PKHD1: variants seen among roughly 807,000 people sequenced by gnomAD.
The protein encoded by PKHD1 is fibrocystin.
PKHD1 carries 291 observed loss-of-function variants against 412.0 expected under a neutral mutation model. The ratio of observed to expected loss-of-function variants is 0.71; its 90% CI spans 0.64 to 0.78. PKHD1 has a LOEUF of 0.78. Ranked by LOEUF, PKHD1 falls within the 30% of genes least tolerant of loss-of-function variation. The pLI is 0.00. For synonymous variants in PKHD1, 1,777 were observed against 1,821.5 expected (o/e 0.98, Z 0.62); for missense variants, 4,825 against 4,950.7 (o/e 0.97, Z 0.76).
chr6:51,937,645 C>T (rs925323157), intron 36 of PKHD1, among the ~76,000 whole-genome samples: 14 of 152,156 alleles, frequency 9.2e-5, no homozygotes, highest in Admixed American at 4.6e-4. Context: ...ATACTTGGAC[C>T]AGACCCCTTC....
At chr6:51,719,882 T>C (rs370700034) in intron 60 of PKHD1, among the ~76,000 whole-genome samples, 1 of 152,140 alleles carries the variant, frequency 6.6e-6, no homozygotes, top group Non-Finnish European at 1.5e-5. Flanking sequence ...TCCTGACATA[T>C]ATGCCATGTC....
rs753053314 is a variant in PKHD1 at position 51,627,126 on chromosome 6, T to C, written c.11666-10A>G. The C allele has an allele frequency of 5.0e-6, 8 of 1,611,450 alleles. No homozygotes were observed. Among genetic ancestry groups the C allele is most frequent in the Non-Finnish European group, 5.9e-6 (7 of 1,177,728 alleles). ...TCTTCAGGTTTTGTTTCTGTATTAA[T>C]GGAGAAGAAAAAGGATTTTTTTGTT... On this transcript the variant is annotated splice_polypyrimidine_tract_variant and intron_variant, in intron 65 of 66. Coordinates refer to ENST00000371117, the MANE Select transcript of PKHD1 (RefSeq NM_138694.4).
chr6:51,936,482 T>G (rs1787498371), intron 36 of PKHD1, among the ~76,000 whole-genome samples: 2 of 152,208 alleles, frequency 1.3e-5, no homozygotes, highest in Admixed American at 1.3e-4. Context: ...AGTTGAGTTT[T>G]TGTTGCTTTC....
At chr6:51,882,407 A>C (rs1042299242) in intron 46 of PKHD1, among the ~76,000 whole-genome samples, 1 of 152,258 alleles carries the variant, frequency 6.6e-6, no homozygotes, top group African/African-American at 2.4e-5. Context: ...TGAAATAAAT[A>C]ATCTTCAATG....
rs183936015 is a variant in PKHD1, at chr6:51,790,042, T to C, written c.8440+1194A>G. ...AGGATTGACCATATTTTTTCAGAAA[T>C]ATTTTTACAGTAACTTAACCTTTGT... On this transcript the variant is annotated intron_variant, in intron 53 of 66. Coordinates refer to ENST00000371117, the MANE Select transcript of PKHD1 (RefSeq NM_138694.4). 7.8e-4 allele frequency among the ~76,000 whole-genome samples: 119 copies of C among 152,308 alleles called. 1 individual carries two copies. The highest frequency in any genetic ancestry group is 1.4e-3 in the Admixed American group (22 of 15,302).
intron 35 of PKHD1, among the ~76,000 whole-genome samples, chr6:51,969,772 TAC>T (rs754431630): frequency 2.0e-4 from 30 of 151,060 alleles, no homozygotes; most frequent in East Asian, 7.8e-4. Flanking sequence ...TATATATGTG[TAC>T]ACACACACAC....
chr6:51,640,624 T>C (rs1035107729), intron 63 of PKHD1, among the ~76,000 whole-genome samples: 9 of 152,102 alleles, frequency 5.9e-5, no homozygotes, highest in African/African-American at 2.2e-4. Context: ...ATTACACAAC[T>C]ACCAGGGAAT....
chr6:51,776,037 G>A (rs1790970865), intron 53 of PKHD1, 116 bp from the exon 54 acceptor site: 2 of 645,234 alleles, frequency 3.1e-6, no homozygotes, highest in Non-Finnish European at 5.6e-6. Flanking sequence ...AGACTATATG[G>A]AGGAGTCAAT....
intron 60 of PKHD1, among the ~76,000 whole-genome samples, chr6:51,732,404 T>C (rs1251029361): frequency 1.3e-5 from 2 of 152,132 alleles, no homozygotes; most frequent in Non-Finnish European, 2.9e-5. Flanking sequence ...AAAGGATTAA[T>C]ATCCACAACA....
rs1296372654 is a variant in PKHD1 at position 51,909,270 on chromosome 6, C to CGGA, written c.6682+10_6682+12dup. ...AAGAAACATGAGAAAGTCCTAGGTC[C>CGGA]GGACCCCCTTACCTCTCATAGCTCC... On this transcript the variant is annotated intron_variant, in intron 40 of 66. Transcript: ENST00000371117. 1.9e-6 allele frequency: 3 copies of CGGA among 1,605,668 alleles called. No homozygotes were observed. The highest frequency in any genetic ancestry group is 2.6e-6 in the Non-Finnish European group (3 of 1,172,706).
chr6:51,863,077 G>C (rs1048980398), intron 48 of PKHD1, among the ~76,000 whole-genome samples: 1 of 152,046 alleles, frequency 6.6e-6, no homozygotes, highest in Non-Finnish European at 1.5e-5. Flanking sequence ...ATGACCCTGA[G>C]GGATAAATAC....
At chr6:51,918,620 G>C (rs1428986278) in intron 37 of PKHD1, among the ~76,000 whole-genome samples, 1 of 152,170 alleles carries the variant, frequency 6.6e-6, no homozygotes, top group African/African-American at 2.4e-5. Flanking sequence ...TTGGTTCCAA[G>C]TCTTTGCTAT....
intron 55 of PKHD1, among the ~76,000 whole-genome samples, chr6:51,764,748 C>A (rs1582546456): frequency 6.6e-6 from 1 of 152,056 alleles, no homozygotes; most frequent in African/African-American, 2.4e-5. Flanking sequence ...CTCCTTGGAA[C>A]CCTGTCATGA....
intron 60 of PKHD1, among the ~76,000 whole-genome samples, chr6:51,690,371 C>CA (rs1778014150): frequency 1.3e-5 from 2 of 150,060 alleles, no homozygotes; most frequent in South Asian, 4.2e-4. Context: ...CAATCCTAAG[C>CA]AAAAAGAATA....
At chr6:51,940,895 A>G (rs1788397745) in intron 36 of PKHD1, among the ~76,000 whole-genome samples, 1 of 151,156 alleles carries the variant, frequency 6.6e-6, no homozygotes, top group African/African-American at 2.4e-5. Flanking sequence ...ACATTCTTTT[A>G]TGCACTCCTT....
chr6:51,748,530 T>G lies in PKHD1; in HGVS notation c.9086A>C (p.His3029Pro). ...TLHQSCGGGI[H>P]AAASHGVLLN... ...AAGTACTCCATGACTGGCAGCTGCA[T>G]GAATGCCCCCGCCACAGCTCTGGTG... The change falls in exon 58 of 67, where the codon CAT becomes CCT. Residue 3029 changes from histidine (H) to proline (P), a missense_variant. Coordinates refer to ENST00000371117, the MANE Select transcript of PKHD1 (RefSeq NM_138694.4). 1 of 1,613,880 alleles carries G rather than the reference T, an allele frequency of 6.2e-7. No homozygotes were observed. Among genetic ancestry groups the G allele is most frequent in the Non-Finnish European group, 8.5e-7 (1 of 1,179,908 alleles).
At chr6:52,071,300 C>G (rs1810577988) in intron 8 of PKHD1, among the ~76,000 whole-genome samples, 1 of 151,606 alleles carries the variant, frequency 6.6e-6, no homozygotes, top group Non-Finnish European at 1.5e-5. Context: ...CTAGTGCTAA[C>G]TAGTACTACC....
chr6:51,869,098 T>C (rs1201255507), intron 47 of PKHD1, among the ~76,000 whole-genome samples: 1 of 152,128 alleles, frequency 6.6e-6, no homozygotes, highest in Non-Finnish European at 1.5e-5. Flanking sequence ...TGCAGTGAAT[T>C]GATTCATACA....
intron 36 of PKHD1, among the ~76,000 whole-genome samples, chr6:51,946,737 A>G (rs1789508978): frequency 6.6e-6 from 1 of 152,218 alleles, no homozygotes; most frequent in South Asian, 2.1e-4. Context: ...CATTATTGTT[A>G]CTTCCCTCTA....
Sources: allele counts gnomAD v4.1 joint callset (sites outside exome capture counted in the v4.1 genomes callset), GRCh38; gene constraint gnomAD v4.1.1; transcripts MANE v1.5; gene names NCBI Gene and HGNC (gene_info 2026-07-23, HGNC 2026-07-21).